Variants in GRID1 observed in about 807,000 individuals in gnomAD.
GRID1 encodes the protein glutamate receptor ionotropic, delta-1.
Under a neutral mutation model 98.0 loss-of-function variants are expected in GRID1, and 28 were observed. The ratio of observed to expected loss-of-function variants is 0.29; its 90% CI spans 0.21 to 0.39. The LOEUF (loss-of-function observed/expected upper bound fraction) is 0.39. Among genes scored for constraint, GRID1 ranks in the 10% least tolerant of loss-of-function variants. The probability of loss-of-function intolerance (pLI) is 1.00; values close to 1 mark genes in which losing one functional copy is unlikely to be tolerated. For synonymous variants in GRID1, 553 were observed against 538.5 expected, an observed-to-expected ratio of 1.03 and a Z score of -0.37; for missense variants, 1,111 against 1,340.5, an observed-to-expected ratio of 0.83 and a Z score of 2.67.
chr10:85,877,350 C>T (rs1278134243), intron 5 of GRID1, among the ~76,000 whole-genome samples: 1 of 152,204 alleles, frequency 6.6e-6, no homozygotes, highest in African/African-American at 2.4e-5. Flanking sequence ...GGGAGGCACC[C>T]CCCAGTAGGG....
At chr10:86,104,396 AC>A (rs1254724987) in intron 4 of GRID1, among the ~76,000 whole-genome samples, 1 of 152,026 alleles carries the variant, frequency 6.6e-6, no homozygotes, top group African/African-American at 2.4e-5. Flanking sequence ...GTTTCCTCCA[AC>A]CCACGAGGGG....
rs546813636 is a variant in GRID1, at chr10:85,979,070, G to T, written c.727-62831C>A. Among the ~76,000 whole-genome samples the T allele has an allele frequency of 9.9e-5, 15 of 152,156 alleles. No individual in the cohort carries two copies. In the East Asian group the frequency reaches 1.5e-3, roughly 16 times the overall value. Reference sequence around the variant, plus strand: ...GTGGTGGGGTGGGGGGCTCTAAAAGGGGCCTGTGAGCATAATAAAGGCCAA... The same window carrying T: ...GTGGTGGGGTGGGGGGCTCTAAAAGTGGCCTGTGAGCATAATAAAGGCCAA... On this transcript the variant is annotated intron_variant, in intron 4 of 15. Transcript: ENST00000327946.
chr10:86,120,713 A>T (rs966124733), intron 4 of GRID1, among the ~76,000 whole-genome samples: 2 of 152,230 alleles, frequency 1.3e-5, no homozygotes, highest in African/African-American at 4.8e-5. Context: ...CAGAATAATT[A>T]ATGTCAAGGT....
At chr10:85,618,953 G>A (rs1842824475) in intron 14 of GRID1, among the ~76,000 whole-genome samples, 2 of 152,210 alleles carry the variant, frequency 1.3e-5, no homozygotes, top group African/African-American at 4.8e-5. Context: ...TGAAATTCAT[G>A]CATTAATCAG....
At chr10:85,846,963 GT>G (rs1843012298) in intron 8 of GRID1, among the ~76,000 whole-genome samples, 1 of 152,190 alleles carries the variant, frequency 6.6e-6, no homozygotes, top group African/African-American at 2.4e-5. Context: ...GCCTATGCAA[GT>G]ACAAAAGAAT....
rs147537377 is a variant in GRID1, at chr10:85,960,115, G to A, written c.727-43876C>T. 5.8e-3 allele frequency among the ~76,000 whole-genome samples: 885 copies of A among 152,258 alleles called. 8 individuals are homozygous for A. The highest frequency in any genetic ancestry group is 0.02 in the African/African-American group (824 of 41,556). On this transcript the variant is annotated intron_variant, in intron 4 of 15. Coordinates refer to ENST00000327946, the MANE Select transcript of GRID1 (RefSeq NM_017551.3). ...GGTAGAGACAGGGTTGGCCAGGCTG[G>A]TCTCAAACTCCTGACCTCAAGTGAT...
chr10:85,924,633 A>C (rs1182921858), intron 4 of GRID1, among the ~76,000 whole-genome samples: 1 of 152,182 alleles, frequency 6.6e-6, no homozygotes, highest in Non-Finnish European at 1.5e-5. Flanking sequence ...GTTCACTGGA[A>C]GAGAGAGTGT....
intron 14 of GRID1, 93 bp downstream of exon 14, chr10:85,619,774 T>C: frequency 1.1e-6 from 1 of 928,128 alleles, no homozygotes; most frequent in South Asian, 1.6e-5. Context: ...ACAAAGATGT[T>C]TGCATTGGCT....
chr10:85,992,032 G>A (rs1044670102), intron 4 of GRID1, among the ~76,000 whole-genome samples: 2 of 152,162 alleles, frequency 1.3e-5, no homozygotes, highest in African/African-American at 4.8e-5. Context: ...GGGGCAAGTG[G>A]CTGTTGCAAG....
At chr10:85,673,404 A>G in intron 12 of GRID1, among the ~76,000 whole-genome samples, 1 of 152,236 alleles carries the variant, frequency 6.6e-6, no homozygotes, top group East Asian at 1.9e-4. Flanking sequence ...TACTGTGAGT[A>G]AAATGGTACC....
In GRID1 at chr10:86,244,235, A is replaced by G. The variant is rs557711517; in HGVS notation, c.236-37587T>C. On this transcript the variant is annotated intron_variant, in intron 2 of 15. Coordinates refer to ENST00000327946, the MANE Select transcript of GRID1 (RefSeq NM_017551.3). Reference sequence around the variant, plus strand: ...CCTTAGCAAGGTCAGTAATCCTGTCATAGCCCCAAGTTGGTGGGACAGTGG... The same window carrying G: ...CCTTAGCAAGGTCAGTAATCCTGTCGTAGCCCCAAGTTGGTGGGACAGTGG... 7.9e-5 allele frequency among the ~76,000 whole-genome samples: 12 copies of G among 152,338 alleles called. No individual in the cohort carries two copies. In the South Asian group the frequency reaches 2.3e-3, roughly 29 times the overall value.
intron 8 of GRID1, among the ~76,000 whole-genome samples, chr10:85,774,185 T>C (rs1343975619): frequency 2.0e-5 from 3 of 152,152 alleles, no homozygotes; most frequent in Non-Finnish European, 4.4e-5. Context: ...TCTACAACTA[T>C]CTGATCTTTG....
In GRID1 at chr10:86,259,492, A is replaced by G. The variant is rs376690238; in HGVS notation, c.236-52844T>C. Among the ~76,000 whole-genome samples, 3 of 117,384 alleles carry G rather than the reference A, an allele frequency of 2.6e-5. No homozygotes were observed. The South Asian group carries it at 9.4e-4, about 37-fold the overall frequency. 77.0% of individuals were successfully genotyped at this position (117,384 alleles called of 152,430 possible). A position where few individuals can be genotyped will look rare whatever the true frequency, so the allele number is the denominator to read the frequency against. ...ATTATGTAAATACATCTATATCATT[A>G]CATACGAGGTTGTATATTAATTTAA... On this transcript the variant is annotated intron_variant, in intron 2 of 15. Transcript: ENST00000327946.
At chr10:85,622,396 T>C (rs983940981) in intron 13 of GRID1, among the ~76,000 whole-genome samples, 2 of 152,222 alleles carry the variant, frequency 1.3e-5, no homozygotes, top group African/African-American at 4.8e-5. Context: ...TTCATCATTA[T>C]ATTTATTTTT....
rs79342444 is a variant in GRID1, at chr10:86,143,202, C to T, written c.521-4178G>A. Among the ~76,000 whole-genome samples the T allele has an allele frequency of 7.5e-3, 1,148 of 152,308 alleles. 11 individuals carry two copies. The highest frequency in any genetic ancestry group is 0.012 in the Non-Finnish European group (833 of 68,032). On this transcript the variant is annotated intron_variant, in intron 3 of 15. Transcript: ENST00000327946. Reference sequence around the variant, plus strand: ...GGCTGACAAGGTCAACTCTCAGCCTCCTTTCCCTGAAGCTTCTGTCCAGCT... The same window carrying T: ...GGCTGACAAGGTCAACTCTCAGCCTTCTTTCCCTGAAGCTTCTGTCCAGCT...
At chr10:85,619,282 C>T (rs1842829612) in intron 14 of GRID1, among the ~76,000 whole-genome samples, 1 of 152,218 alleles carries the variant, frequency 6.6e-6, no homozygotes, top group Non-Finnish European at 1.5e-5. Flanking sequence ...GACAGCATCT[C>T]CTTGGACCAG....
At chr10:85,697,070 A>C (rs143561425) in intron 12 of GRID1, among the ~76,000 whole-genome samples, 3 of 152,128 alleles carry the variant, frequency 2.0e-5, no homozygotes, top group Non-Finnish European at 4.4e-5. Flanking sequence ...TGAATGTTTC[A>C]TGCACACTAA....
At chr10:85,853,623 C>G (rs2131779911) in intron 8 of GRID1, among the ~76,000 whole-genome samples, 1 of 152,338 alleles carries the variant, frequency 6.6e-6, no homozygotes, top group South Asian at 2.1e-4. Flanking sequence ...GCATCCAAGC[C>G]AGTAGAGTTG....
intron 4 of GRID1, among the ~76,000 whole-genome samples, chr10:86,026,165 G>T (rs921832291): frequency 3.9e-5 from 6 of 152,078 alleles, no homozygotes; most frequent in African/African-American, 1.2e-4. Context: ...ATTTATATAC[G>T]TTTCACACTA....
Sources: allele counts gnomAD v4.1 joint callset (sites outside exome capture counted in the v4.1 genomes callset), GRCh38; gene constraint gnomAD v4.1.1; transcripts MANE v1.5; gene names NCBI Gene and HGNC (gene_info 2026-07-23, HGNC 2026-07-21).